CCDC102B: variants seen among roughly 807,000 people sequenced by gnomAD.
CCDC102B encodes coiled-coil domain containing 102B.
Under a neutral mutation model 57.4 loss-of-function variants are expected in CCDC102B, and 75 were observed. The observed-to-expected ratio is 1.31, with a 90% CI of 1.08 to 1.58. The LOEUF is 1.58. Ranked by LOEUF, CCDC102B falls within the 40% of genes most tolerant of loss-of-function variation. CCDC102B has a pLI of 0.00. For synonymous variants in CCDC102B, 206 were observed against 201.9 expected, an observed-to-expected ratio of 1.02 and a Z score of -0.17; for missense variants, 636 against 582.6, an observed-to-expected ratio of 1.09 and a Z score of -0.94.
intron 6 of CCDC102B, among the ~76,000 whole-genome samples, chr18:68,977,371 C>G (rs921610541): frequency 6.6e-6 from 1 of 151,790 alleles, no homozygotes; most frequent in Admixed American, 6.6e-5. Flanking sequence ...ACCCATCAAC[C>G]CACCATTTAC....
chr18:68,912,791 G>A (rs926401210), intron 6 of CCDC102B, among the ~76,000 whole-genome samples: 3 of 152,150 alleles, frequency 2.0e-5, no homozygotes, highest in Admixed American at 1.3e-4. Flanking sequence ...ATACACTTCA[G>A]TCTCATAATT....
At chr18:68,799,095 A>G (rs2035746027) in intron 1 of CCDC102B, among the ~76,000 whole-genome samples, 1 of 152,108 alleles carries the variant, frequency 6.6e-6, no homozygotes, top group Non-Finnish European at 1.5e-5. Flanking sequence ...TGGTGTTATT[A>G]CAACTTTTGA....
intron 2 of CCDC102B, among the ~76,000 whole-genome samples, chr18:68,722,438 C>T (rs2032384492): frequency 6.6e-6 from 1 of 152,144 alleles, no homozygotes. Context: ...ATAAAAGACA[C>T]CCCACCACCA....
rs183351979 is a variant in CCDC102B, at chr18:68,751,351, T to C, written c.-67+34757T>C. 6.6e-5 allele frequency among the ~76,000 whole-genome samples: 10 copies of C among 152,300 alleles called. No homozygotes were observed. In the East Asian group the frequency reaches 1.4e-3, roughly 21 times the overall value. On this transcript the variant is annotated intron_variant, in intron 2 of 3. Transcript: ENST00000578970. ...AATACATTCATGGCCAGCAGCACCA[T>C]AACTCATGCCTGAATGAAGCTTATT...
intron 3 of CCDC102B, among the ~76,000 whole-genome samples, chr18:68,844,931 CTTTG>C (rs1175114074): frequency 6.6e-6 from 1 of 151,280 alleles, no homozygotes; most frequent in African/African-American, 2.4e-5. Flanking sequence ...AGTTGAGTCT[CTTTG>C]TTTGTTAATT....
intron 1 of CCDC102B, among the ~76,000 whole-genome samples, chr18:68,802,958 C>G (rs570004384): frequency 3.9e-5 from 6 of 152,282 alleles, no homozygotes; most frequent in Middle Eastern, 3.4e-3. Context: ...AAATGTAAAT[C>G]TTCATCTTTT....
chr18:68,748,496 A>C (rs1448033505), intron 2 of CCDC102B, among the ~76,000 whole-genome samples: 1 of 152,120 alleles, frequency 6.6e-6, no homozygotes, highest in Non-Finnish European at 1.5e-5. Flanking sequence ...GACAGTTTCA[A>C]ACAGCTCTTT....
intron 6 of CCDC102B, among the ~76,000 whole-genome samples, chr18:68,975,251 G>A (rs1237790373): frequency 1.3e-5 from 2 of 151,850 alleles, no homozygotes; most frequent in Non-Finnish European, 1.5e-5. Context: ...CCTCTTTATG[G>A]CTAAATTTTC....
intron 2 of CCDC102B, among the ~76,000 whole-genome samples, chr18:68,767,878 C>T (rs1293383576): frequency 6.6e-6 from 1 of 151,936 alleles, no homozygotes; most frequent in East Asian, 1.9e-4. Flanking sequence ...ATTTATTTAT[C>T]TTAGGTATAT....
At chr18:68,765,074 T>TAAATTAAATAAAG (rs1053677471) in intron 2 of CCDC102B, among the ~76,000 whole-genome samples, 1 of 147,914 alleles carries the variant, frequency 6.8e-6, no homozygotes, top group African/African-American at 2.5e-5. Flanking sequence ...AATAAATAAA[T>TAAATTAAATAAAG]AAGCTGGGGA....
At chr18:69,031,123 C>T (rs2052130562) in intron 7 of CCDC102B, among the ~76,000 whole-genome samples, 1 of 152,156 alleles carries the variant, frequency 6.6e-6, no homozygotes, top group Non-Finnish European at 1.5e-5. Context: ...ATAATTTCCC[C>T]TATGTCTGTG....
chr18:68,946,483 A>G (rs2145184453), intron 6 of CCDC102B, among the ~76,000 whole-genome samples: 1 of 152,188 alleles, frequency 6.6e-6, no homozygotes, highest in South Asian at 2.1e-4. Context: ...CATTATTTCA[A>G]TACTATGCAA....
intron 3 of CCDC102B, among the ~76,000 whole-genome samples, chr18:68,844,053 C>T (rs1376825319): frequency 6.6e-6 from 1 of 151,744 alleles, no homozygotes; most frequent in Non-Finnish European, 1.5e-5. Context: ...CAAATGGTAA[C>T]CTTTTACATA....
chr18:68,715,703 T>C (rs564722780), intron 1 of CCDC102B: 66 of 152,342 alleles, frequency 4.3e-4, no homozygotes, highest in African/African-American at 1.6e-3. Context: ...TCTGATTATT[T>C]TGGAACTAGA....
intron 1 of CCDC102B, among the ~76,000 whole-genome samples, chr18:68,830,637 T>A (rs1406088055): frequency 6.9e-6 from 1 of 144,678 alleles, no homozygotes; most frequent in Admixed American, 6.8e-5. Flanking sequence ...TTGTATATTA[T>A]GTTTATTCCA....
At chr18:69,039,890 G>T (rs73967779) in intron 7 of CCDC102B, among the ~76,000 whole-genome samples, 11,336 of 151,782 alleles carry the variant, frequency 0.075, 680 homozygotes, top group African/African-American at 0.16. Context: ...TATATGTTAT[G>T]TAATGTAATA....
In CCDC102B at chr18:68,837,242, T is replaced by G; in HGVS notation, c.479T>G (p.Leu160Arg). Residue 160 changes from leucine to arginine, a missense_variant, in exon 2 of 8, where the codon CTT becomes CGT. By Grantham distance (102) the Leu-to-Arg change is moderately radical (BLOSUM62 -2). Coordinates refer to ENST00000360242, the MANE Select transcript of CCDC102B (RefSeq NM_024781.3). Reference protein sequence around the residue: ...LEAKVTQDLKLPGFVEESCEH... With the variant: ...LEAKVTQDLKRPGFVEESCEH... ...GCTAAAGTTACCCAGGATCTGAAGC[T>G]TCCTGGCTTCGTAGAAGAATCCTGT... is the stretch of plus-strand genomic sequence containing the variant. 1 of 1,614,170 alleles carries G rather than the reference T, an allele frequency of 6.2e-7. No individual in the cohort carries two copies. Among genetic ancestry groups the G allele is most frequent in the Non-Finnish European group, 8.5e-7 (1 of 1,180,020 alleles).
At chr18:68,884,310 T>C (rs2039797456) in intron 5 of CCDC102B, among the ~76,000 whole-genome samples, 1 of 152,164 alleles carries the variant, frequency 6.6e-6, no homozygotes, top group African/African-American at 2.4e-5. Context: ...GATAAGTATA[T>C]ACAATGGAAT....
At chr18:69,024,443 C>T (rs368080349) in intron 7 of CCDC102B, among the ~76,000 whole-genome samples, 6 of 151,962 alleles carry the variant, frequency 3.9e-5, no homozygotes, top group African/African-American at 1.4e-4. Context: ...GATACATATG[C>T]TAGAGCTATA....
Sources: allele counts gnomAD v4.1 joint callset (sites outside exome capture counted in the v4.1 genomes callset), GRCh38; gene constraint gnomAD v4.1.1; transcripts MANE v1.5; gene names NCBI Gene and HGNC (gene_info 2026-07-23, HGNC 2026-07-21).